TNFRSF11B: variants seen among roughly 807,000 people sequenced by gnomAD.
TNFRSF11B encodes the protein tumor necrosis factor receptor superfamily member 11B.
TNFRSF11B carries 16 observed loss-of-function variants against 43.4 expected under a neutral mutation model. The ratio of observed to expected loss-of-function variants is 0.37; its 90% confidence interval spans 0.25 to 0.56. The LOEUF (loss-of-function observed/expected upper bound fraction) is 0.56. Among genes scored for constraint, TNFRSF11B ranks in the 20% least tolerant of loss-of-function variants. The pLI is 0.80. For missense variants in TNFRSF11B, 444 were observed against 490.1 expected, an observed-to-expected ratio of 0.91 and a Z score of 0.89; for synonymous variants, 185 against 181.8, an observed-to-expected ratio of 1.02 and a Z score of -0.14.
chr8:118,933,478 A>C (rs558635454), intron 1 of TNFRSF11B, among the ~76,000 whole-genome samples, 178 bp from the exon 2 acceptor site: 5 of 152,346 alleles, frequency 3.3e-5, no homozygotes, highest in Admixed American at 3.3e-4. Flanking sequence ...AAAGACCAGG[A>C]ATGCAGATAG....
intron 3 of TNFRSF11B, among the ~76,000 whole-genome samples, chr8:118,927,321 A>C (rs2129883542): frequency 6.6e-6 from 1 of 152,284 alleles, no homozygotes; most frequent in East Asian, 1.9e-4. Context: ...AAATGGGAGT[A>C]ATGGGTGTTT....
intron 2 of TNFRSF11B, among the ~76,000 whole-genome samples, chr8:118,932,651 T>A (rs1812345346): frequency 8.2e-6 from 1 of 122,288 alleles, no homozygotes; most frequent in Non-Finnish European, 1.6e-5. Flanking sequence ...GCAACTTGAG[T>A]TTGTTTCTTT....
At chr8:118,940,971 A>G (rs1724674806) in intron 1 of TNFRSF11B, among the ~76,000 whole-genome samples, 1 of 152,186 alleles carries the variant, frequency 6.6e-6, no homozygotes, top group Non-Finnish European at 1.5e-5. Context: ...AAATCATTAG[A>G]CATATTGATT....
intron 1 of TNFRSF11B, among the ~76,000 whole-genome samples, chr8:118,946,191 ACTC>A (rs1367836523): frequency 2.6e-5 from 4 of 152,070 alleles, no homozygotes; most frequent in Non-Finnish European, 2.9e-5. Flanking sequence ...GAAAAAAACT[ACTC>A]AAGCACCTCG....
chr8:118,939,521 G>A (rs188347967), intron 1 of TNFRSF11B, among the ~76,000 whole-genome samples: 6 of 152,296 alleles, frequency 3.9e-5, no homozygotes, highest in South Asian at 2.1e-4. Flanking sequence ...TAGGTATGAC[G>A]TGTTGGCTGG....
At chr8:118,938,090 T>C (rs927845297) in intron 1 of TNFRSF11B, among the ~76,000 whole-genome samples, 4 of 152,166 alleles carry the variant, frequency 2.6e-5, no homozygotes, top group Non-Finnish European at 5.9e-5. Flanking sequence ...AGTATCATAA[T>C]GGTATATGCA....
intron 2 of TNFRSF11B, chr8:118,929,178 T>C: frequency 1.9e-6 from 1 of 521,900 alleles, no homozygotes; most frequent in Non-Finnish European, 3.5e-6. Flanking sequence ...AAAACGCTCA[T>C]GAAATGTGAG....
chr8:118,935,027 T>C (rs182547057), intron 1 of TNFRSF11B, among the ~76,000 whole-genome samples: 58 of 152,346 alleles, frequency 3.8e-4, no homozygotes, highest in African/African-American at 1.4e-3. Context: ...CATCCGGTCA[T>C]TGACCTCTTC....
intron 1 of TNFRSF11B, among the ~76,000 whole-genome samples, chr8:118,938,359 A>C (rs1812432030): frequency 6.6e-6 from 1 of 152,126 alleles, no homozygotes; most frequent in Admixed American, 6.5e-5. Context: ...CAATATATAT[A>C]ATATTTTGGT....
intron 2 of TNFRSF11B, among the ~76,000 whole-genome samples, chr8:118,929,272 T>C (rs776250626): frequency 3.3e-5 from 5 of 152,236 alleles, no homozygotes; most frequent in Non-Finnish European, 5.9e-5. Context: ...ATATTCTTCA[T>C]ACAATTATTC....
intron 1 of TNFRSF11B, among the ~76,000 whole-genome samples, chr8:118,945,125 A>T (rs1413160233): frequency 1.3e-5 from 2 of 152,152 alleles, no homozygotes; most frequent in Non-Finnish European, 2.9e-5. Context: ...GGTCTCACTG[A>T]TTTAAATAGA....
chr8:118,944,139 G>T (rs11573849), intron 1 of TNFRSF11B, among the ~76,000 whole-genome samples: 4,499 of 152,106 alleles, frequency 0.03, 126 homozygotes, highest in East Asian at 0.17. Context: ...AGGCTGGTTG[G>T]GTCTTATGTC....
intron 1 of TNFRSF11B, among the ~76,000 whole-genome samples, chr8:118,947,133 T>C (rs761373133): frequency 5.3e-5 from 8 of 152,210 alleles, no homozygotes; most frequent in Non-Finnish European, 1.0e-4. Context: ...TATAAATGTA[T>C]TTAAAATATT....
chr8:118,933,348 G>C, intron 1 of TNFRSF11B, 48 bp from the exon 2 acceptor site: 1 of 1,606,680 alleles, frequency 6.2e-7, no homozygotes, highest in Non-Finnish European at 8.5e-7. Flanking sequence ...ATGAAAATAG[G>C]TTTGTTCTTA....
Position 118,928,787 on chromosome 8 carries a change from G to A in TNFRSF11B, c.543C>T (p.His181=), listed in dbSNP as rs146588847. The change falls in exon 3 of 5, where the codon CAC becomes CAT. Residue 181 remains histidine, a synonymous_variant. Transcript: ENST00000297350. ...LLLTQKGNAT[H]DNICSGNSES... Reference sequence around the variant, plus strand: ...CACTGTTTCCGGAACATATGTTGTCGTGTGTTGCATTTCCTTTCTGAGTTA... The same window carrying A: ...CACTGTTTCCGGAACATATGTTGTCATGTGTTGCATTTCCTTTCTGAGTTA... 3.2e-5 allele frequency: 51 copies of A among 1,614,140 alleles called. No homozygotes were observed. The highest frequency in any genetic ancestry group is 2.5e-4 in the East Asian group (11 of 44,876).
chr8:118,945,490 T>C (rs1033585881), intron 1 of TNFRSF11B, among the ~76,000 whole-genome samples: 3 of 152,138 alleles, frequency 2.0e-5, no homozygotes, highest in African/African-American at 7.2e-5. Flanking sequence ...ATAACTTCTA[T>C]GCATGTTGGC....
rs1812209552 is a variant in TNFRSF11B, at chr8:118,923,624, A to T, written c.*750T>A. 1.3e-5 allele frequency: 2 copies of T among 152,670 alleles called. No homozygotes were observed. Among genetic ancestry groups the T allele is most frequent in the African/African-American group, 2.4e-5 (1 of 41,466 alleles). 9.5% of individuals were successfully genotyped at this position (152,670 alleles called of 1,614,324 possible). ...TATAAAACCATAAAATCTTTTAAAT[A>T]AGGTACATTCAATTTCTCAGAGCAT... On this transcript the variant is annotated 3_prime_UTR_variant, in exon 5 of 5. Transcript: ENST00000297350.
intron 1 of TNFRSF11B, among the ~76,000 whole-genome samples, chr8:118,939,793 C>T (rs892388032): frequency 2.0e-5 from 3 of 152,212 alleles, no homozygotes; most frequent in Middle Eastern, 3.4e-3. Context: ...GTTATGAGCA[C>T]ATAAATTGCT....
chr8:118,934,013 G>C (rs987072913), intron 1 of TNFRSF11B, among the ~76,000 whole-genome samples: 3 of 152,114 alleles, frequency 2.0e-5, no homozygotes, highest in Non-Finnish European at 2.9e-5. Flanking sequence ...AAAGGAGAGA[G>C]AGCAGGTAAA....
Sources: allele counts gnomAD v4.1 joint callset (sites outside exome capture counted in the v4.1 genomes callset), GRCh38; gene constraint gnomAD v4.1.1; transcripts MANE v1.5; gene names NCBI Gene and HGNC (gene_info 2026-07-23, HGNC 2026-07-21).